ZNF839: variants seen among roughly 807,000 people sequenced by gnomAD.
ZNF839 encodes the protein zinc finger protein 839.
Under a neutral mutation model 56.4 loss-of-function variants are expected in ZNF839, and 38 were observed. That is an observed-to-expected ratio of 0.67 (90% CI 0.52 to 0.88). The LOEUF is 0.88. Among genes scored for constraint, ZNF839 ranks in the 40% least tolerant of loss-of-function variants. ZNF839 has a pLI of 0.00. For synonymous variants in ZNF839, 486 were observed against 493.5 expected (o/e 0.98, Z 0.20); for missense variants, 1,091 against 1,177.6 (o/e 0.93, Z 1.08).
intron 2 of ZNF839, among the ~76,000 whole-genome samples, chr14:102,328,851 A>G (rs1462788452): frequency 6.6e-6 from 1 of 152,136 alleles, no homozygotes; most frequent in East Asian, 1.9e-4. Context: ...CTGTGTGTAC[A>G]TATCACACGT....
chr14:102,317,981 T>C (rs1189237562), upstream of ZNF839, among the ~76,000 whole-genome samples: 1 of 152,208 alleles, frequency 6.6e-6, no homozygotes, highest in Non-Finnish European at 1.5e-5. Flanking sequence ...CACCTGTTTT[T>C]GAAAATTCTA....
chr14:102,331,907 C>T lies in ZNF839; in HGVS notation c.1416+61C>T. 2.2e-6 allele frequency: 3 copies of T among 1,374,322 alleles called. No homozygotes were observed. In the South Asian group the frequency reaches 4.0e-5, roughly 18 times the overall value. The allele number at this position is 1,374,322 out of a possible 1,614,324, so 85.1% of individuals were successfully genotyped here. ...GTCTTTAGCATGGATGTGGCAATCA[C>T]TATCAGTTTCTGAATCACCTAAGCA... On this transcript the variant is annotated intron_variant, in intron 3 of 7. Coordinates refer to ENST00000442396, the MANE Select transcript of ZNF839 (RefSeq NM_018335.6).
In ZNF839 at chr14:102,324,624, C is replaced by T. The variant is rs532009128; in HGVS notation, c.289-1361C>T. ...GCTGAGGCAGGAGAATCATTTGAAC[C>T]TGGGAAGTGGAGGTTGTGGTGGCAC... is the stretch of plus-strand genomic sequence containing the variant. On this transcript the variant is annotated intron_variant, in intron 1 of 7. Coordinates refer to ENST00000442396, the MANE Select transcript of ZNF839 (RefSeq NM_018335.6). Among the ~76,000 whole-genome samples, 6 of 152,220 alleles carry T rather than the reference C, an allele frequency of 3.9e-5. No individual in the cohort carries two copies. The South Asian group carries it at 1.2e-3, about 32-fold the overall frequency.
chr14:102,333,994 C>A (rs2073908848), intron 3 of ZNF839, among the ~76,000 whole-genome samples: 1 of 152,242 alleles, frequency 6.6e-6, no homozygotes. Context: ...CCACCCACAT[C>A]CCTCTCCTTA....
chr14:102,324,710 C>T (rs763079231), intron 1 of ZNF839, among the ~76,000 whole-genome samples: 28 of 150,718 alleles, frequency 1.9e-4, no homozygotes, highest in Non-Finnish European at 3.3e-4. Flanking sequence ...AAAAGCCAGC[C>T]GGGTGTGGTG....
intron 6 of ZNF839, 60 bp from the exon 7 acceptor site, chr14:102,339,034 G>A: frequency 6.2e-7 from 1 of 1,613,324 alleles, no homozygotes; most frequent in Non-Finnish European, 8.5e-7. Context: ...ACACCAGGAA[G>A]AGGAGGTAGC....
intron 2 of ZNF839, among the ~76,000 whole-genome samples, chr14:102,330,829 T>C (rs1290974207): frequency 6.6e-6 from 1 of 152,176 alleles, no homozygotes; most frequent in Non-Finnish European, 1.5e-5. Context: ...GCCTTTATTT[T>C]ATTTTTCTAC....
chr14:102,342,208 G>C lies in ZNF839; in HGVS notation c.*29G>C. On this transcript the variant is annotated 3_prime_UTR_variant, in exon 8 of 8. Transcript: ENST00000442396. ...GAGTTCCTCTAGAAGCTGTGGAGTC[G>C]GTCGTCACCGTGGAGCCAGAGCCCT... The C allele has an allele frequency of 6.4e-7, 1 of 1,556,530 alleles. No individual in the cohort carries two copies. The highest frequency in any genetic ancestry group is 8.7e-7 in the Non-Finnish European group (1 of 1,148,070).
chr14:102,320,134 G>C (rs1042978377), intron 1 of ZNF839, 81 bp downstream of exon 1: 15 of 1,072,930 alleles, frequency 1.4e-5, no homozygotes, highest in Non-Finnish European at 1.7e-5. Context: ...CTTGTCCGGG[G>C]AGGCCAGTAT....
chr14:102,341,113 A>G, intron 7 of ZNF839: 1 of 318,384 alleles, frequency 3.1e-6, no homozygotes, highest in Non-Finnish European at 5.6e-6. Context: ...TGGCTCTTAG[A>G]GCATATTTTT....
At chr14:102,325,703 C>T (rs145435162) in intron 1 of ZNF839, among the ~76,000 whole-genome samples, 23 of 152,102 alleles carry the variant, frequency 1.5e-4, no homozygotes, top group Middle Eastern at 3.4e-3. Context: ...CCATGTTGGC[C>T]AGGTTGGTCT....
In ZNF839 at chr14:102,338,912, G is replaced by A; in HGVS notation, c.1756G>A (p.Glu586Lys). ...GCACCTCAGCCGAGACATGGATGGGGAGCAGCTAGAGGGAGCTAGCAGCGA... is the reference window on the plus strand; with the variant it reads ...GCACCTCAGCCGAGACATGGATGGGAAGCAGCTAGAGGGAGCTAGCAGCGA... ...PKHLSRDMDGEQLEGASSEKR... is the reference protein window; with the variant it reads ...PKHLSRDMDGKQLEGASSEKR... Residue 586 changes from glutamate (E) to lysine (K), a missense_variant, in exon 6 of 8, where the codon GAG (glutamate) becomes AAG (lysine). Glu to Lys is a moderately conservative substitution (Grantham distance 56). Transcript: ENST00000442396. The A allele has an allele frequency of 1.9e-6, 3 of 1,613,986 alleles. No individual in the cohort carries two copies. Among genetic ancestry groups the A allele is most frequent in the East Asian group, 2.2e-5 (1 of 44,882 alleles).
rs771878103 is a variant in ZNF839, at chr14:102,326,842, G to A, written c.1146G>A (p.Gly382=). 1.2e-6 allele frequency: 2 copies of A among 1,609,312 alleles called. No homozygotes were observed. The highest frequency in any genetic ancestry group is 2.2e-5 in the South Asian group (2 of 90,428). ...LSMPADPCEG[G]ARSCLVTESA... Reference sequence around the variant, plus strand: ...TGCCAGCGGATCCATGTGAGGGAGGGGCCCGCTCCTGCTTGGTGACAGAGT... The same window carrying A: ...TGCCAGCGGATCCATGTGAGGGAGGAGCCCGCTCCTGCTTGGTGACAGAGT... Residue 382 remains glycine (G), a synonymous_variant, in exon 2 of 8, where the codon GGG becomes GGA. Transcript: ENST00000442396. The surrounding 1 kb of genome is among the most constrained non-coding windows in gnomAD (Gnocchi z 4.3).
At chr14:102,334,044 G>A (rs914734951) in intron 3 of ZNF839, among the ~76,000 whole-genome samples, 2 of 152,206 alleles carry the variant, frequency 1.3e-5, no homozygotes, top group South Asian at 4.1e-4. Context: ...TGTGGGGGTA[G>A]TCTTGACTGC....
chr14:102,335,896 G>A, intron 5 of ZNF839, 58 bp downstream of exon 5: 1 of 1,587,078 alleles, frequency 6.3e-7, no homozygotes, highest in South Asian at 1.1e-5. Flanking sequence ...GAAGAAAGAA[G>A]GGCCACGTGC....
chr14:102,338,771 G>A (rs1886144581), intron 5 of ZNF839, 45 bp from the exon 6 acceptor site: 1 of 1,611,668 alleles, frequency 6.2e-7, no homozygotes, highest in East Asian at 2.2e-5. Context: ...CTGGGGGTGT[G>A]TGCTGTTTGG....
chr14:102,326,725 CG>C lies in ZNF839; in HGVS notation c.1030del (p.Glu344ArgfsTer24). 7 of 1,613,044 alleles carry C rather than the reference CG, an allele frequency of 4.3e-6. No homozygotes were observed. Among genetic ancestry groups the C allele is most frequent in the Non-Finnish European group, 5.9e-6 (7 of 1,179,580 alleles). ...ACCCAGGCCACGGCCAGTTGGACCC[CG>C]AGATGGTGCTGTCTGAGAAAGCCAG... is the stretch of plus-strand genomic sequence containing the variant. ...LNPGHGQLDP[E>X]MVLSEKASGS... On this transcript the variant is annotated frameshift_variant, in exon 2 of 8. Coordinates refer to ENST00000442396, the MANE Select transcript of ZNF839 (RefSeq NM_018335.6). LOFTEE classifies it high-confidence loss of function. The surrounding 1 kb of genome is among the most constrained non-coding windows in gnomAD (Gnocchi z 4.3).
intron 2 of ZNF839, among the ~76,000 whole-genome samples, chr14:102,328,687 C>A (rs1212849440): frequency 1.3e-5 from 2 of 151,988 alleles, no homozygotes; most frequent in Non-Finnish European, 2.9e-5. Flanking sequence ...TTTCTGTCTT[C>A]TATGATCTTG....
At chr14:102,323,029 G>T (rs1235232384) in intron 1 of ZNF839, among the ~76,000 whole-genome samples, 8 of 152,324 alleles carry the variant, frequency 5.3e-5, no homozygotes, top group Admixed American at 4.6e-4. Flanking sequence ...ACAGACAGAC[G>T]AGAGACACAC....
Sources: gnomAD v4.1 joint callset for allele counts (sites outside exome capture counted in the v4.1 genomes callset) on GRCh38, gnomAD v4.1.1 for gene constraint, Gnocchi (gnomAD v3.1) non-coding constraint, MANE v1.5 for transcripts, NCBI Gene and HGNC (gene_info 2026-07-23, HGNC 2026-07-21) for gene names.